STXBP6: variants seen among roughly 807,000 people sequenced by gnomAD.
STXBP6 encodes syntaxin binding protein 6, also known as syntaxin-binding protein 6.
In STXBP6, 21 loss-of-function variants were observed where a neutral mutation model predicts 26.9. The observed-to-expected ratio is 0.78, with a 90% CI of 0.55 to 1.12. STXBP6 has a LOEUF of 1.12. Among genes scored for constraint, STXBP6 ranks in the 50% most tolerant of loss-of-function variants. The pLI is 0.00. For synonymous variants in STXBP6, 97 were observed against 92.6 expected, an observed-to-expected ratio of 1.05 and a Z score of -0.27; for missense variants, 232 against 257.9, an observed-to-expected ratio of 0.90 and a Z score of 0.69.
chr14:24,865,973 T>C (rs2069703324), intron 2 of STXBP6, among the ~76,000 whole-genome samples: 1 of 152,062 alleles, frequency 6.6e-6, no homozygotes, highest in Non-Finnish European at 1.5e-5. Flanking sequence ...ACCACTAAAA[T>C]AACAAGAGTC....
chr14:24,826,629 TTTTATG>T (rs1342475989), intron 4 of STXBP6, among the ~76,000 whole-genome samples: 7 of 152,182 alleles, frequency 4.6e-5, no homozygotes, highest in Non-Finnish European at 1.0e-4. Flanking sequence ...CCATTGCCTA[TTTTATG>T]TTTCCTCCAG....
At chr14:24,949,366 C>T (rs1372739133) in intron 2 of STXBP6, among the ~76,000 whole-genome samples, 2 of 152,062 alleles carry the variant, frequency 1.3e-5, no homozygotes, top group African/African-American at 4.8e-5. Flanking sequence ...AAAGAGGATT[C>T]TGTAGAAGGG....
At chr14:24,972,462 A>G (rs979337951) in intron 2 of STXBP6, among the ~76,000 whole-genome samples, 1 of 152,194 alleles carries the variant, frequency 6.6e-6, no homozygotes, top group African/African-American at 2.4e-5. Context: ...CTATTCTTCA[A>G]TTATACATAG....
At chr14:25,001,943 C>T (rs759539255) in intron 1 of STXBP6, among the ~76,000 whole-genome samples, 1 of 152,212 alleles carries the variant, frequency 6.6e-6, no homozygotes, top group Non-Finnish European at 1.5e-5. Context: ...CCTATTCAAA[C>T]ATGTACCTTC....
chr14:24,925,048 T>C (rs1445604715), intron 2 of STXBP6, among the ~76,000 whole-genome samples: 6 of 152,340 alleles, frequency 3.9e-5, no homozygotes, highest in Non-Finnish European at 7.4e-5. Context: ...GGTGTTGTAT[T>C]CAATTTGATA....
intron 1 of STXBP6, among the ~76,000 whole-genome samples, chr14:25,038,385 A>C (rs2075589193): frequency 6.6e-6 from 1 of 152,222 alleles, no homozygotes; most frequent in African/African-American, 2.4e-5. Flanking sequence ...TCAGAAAAGC[A>C]AACCCATGTT....
chr14:24,827,348 T>C (rs17108566), intron 4 of STXBP6, among the ~76,000 whole-genome samples: 10,288 of 152,280 alleles, frequency 0.068, 412 homozygotes, highest in Middle Eastern at 0.11. Flanking sequence ...AACTGATTCA[T>C]TCAGCTCACT....
chr14:24,870,814 G>A lies in STXBP6; in HGVS notation c.155-13657C>T, dbSNP rs1595006681. On this transcript the variant is annotated intron_variant, in intron 2 of 5. Coordinates refer to ENST00000323944, the MANE Select transcript of STXBP6 (RefSeq NM_001394410.1). ...GTGGTCCTCCATTGACCCTAGCTGA[G>A]CTCTCCATGTCCCCCTTCAGATCTA... Among the ~76,000 whole-genome samples, 5 of 152,260 alleles carry A rather than the reference G, an allele frequency of 3.3e-5. No individual in the cohort carries two copies. The South Asian group carries it at 8.3e-4, about 25-fold the overall frequency.
At chr14:25,035,574 G>C (rs2075536425) in intron 1 of STXBP6, among the ~76,000 whole-genome samples, 1 of 152,182 alleles carries the variant, frequency 6.6e-6, no homozygotes, top group South Asian at 2.1e-4. Flanking sequence ...CAGCCACTGG[G>C]TTCAACTGCT....
intron 4 of STXBP6, chr14:24,819,444 C>T: frequency 1.7e-6 from 1 of 586,380 alleles, no homozygotes; most frequent in Non-Finnish European, 3.0e-6. Flanking sequence ...CACTGACATG[C>T]CAGTCATTTC....
intron 4 of STXBP6, among the ~76,000 whole-genome samples, chr14:24,845,797 G>A (rs1318604501): frequency 6.6e-6 from 1 of 152,092 alleles, no homozygotes; most frequent in East Asian, 1.9e-4. Context: ...TTACCTGGGT[G>A]GACACAATAT....
chr14:24,924,806 C>A (rs1490035285), intron 2 of STXBP6, among the ~76,000 whole-genome samples: 1 of 152,134 alleles, frequency 6.6e-6, no homozygotes, highest in Non-Finnish European at 1.5e-5. Flanking sequence ...CAGATTACGA[C>A]AAGTGACAAG....
At chr14:24,939,092 TG>T (rs2072708266) in intron 2 of STXBP6, among the ~76,000 whole-genome samples, 1 of 152,224 alleles carries the variant, frequency 6.6e-6, no homozygotes, top group African/African-American at 2.4e-5. Flanking sequence ...TTAATCATAT[TG>T]CATTTATTTG....
At chr14:24,852,914 G>T (rs144523600) in intron 4 of STXBP6, among the ~76,000 whole-genome samples, 18 of 152,176 alleles carry the variant, frequency 1.2e-4, no homozygotes, top group African/African-American at 3.9e-4. Context: ...TTATCTTTAC[G>T]ACTTACTAGT....
intron 2 of STXBP6, among the ~76,000 whole-genome samples, chr14:24,963,129 A>G (rs1218116630): frequency 6.6e-6 from 1 of 152,164 alleles, no homozygotes; most frequent in Non-Finnish European, 1.5e-5. Flanking sequence ...CATGTTTTTT[A>G]TAACTAATAT....
intron 4 of STXBP6, among the ~76,000 whole-genome samples, chr14:24,846,315 A>G (rs1370049015): frequency 6.6e-6 from 1 of 152,190 alleles, no homozygotes; most frequent in Non-Finnish European, 1.5e-5. Context: ...GCCACAATAT[A>G]ACACTAATTT....
At chr14:24,826,131 A>G (rs1459304711) in intron 4 of STXBP6, among the ~76,000 whole-genome samples, 1 of 152,158 alleles carries the variant, frequency 6.6e-6, no homozygotes, top group African/African-American at 2.4e-5. Context: ...CACTCTAATA[A>G]CTGTTAATTT....
intron 1 of STXBP6, among the ~76,000 whole-genome samples, chr14:25,007,411 T>C (rs559520939): frequency 2.0e-5 from 3 of 152,204 alleles, no homozygotes; most frequent in Non-Finnish European, 2.9e-5. Flanking sequence ...AGCCACAATA[T>C]GTAAATGACT....
chr14:24,843,142 C>CA (rs560995139), intron 4 of STXBP6, among the ~76,000 whole-genome samples: 169 of 152,268 alleles, frequency 1.1e-3, no homozygotes, highest in African/African-American at 3.7e-3. Flanking sequence ...CTCTGAGGCT[C>CA]AGTTTCTTCG....
Sources: gnomAD v4.1 joint callset for allele counts (sites outside exome capture counted in the v4.1 genomes callset) on GRCh38, gnomAD v4.1.1 for gene constraint, MANE v1.5 for transcripts, NCBI Gene and HGNC (gene_info 2026-07-23, HGNC 2026-07-21) for gene names.